ARHGAP9: variants seen among roughly 807,000 people sequenced by gnomAD.
ARHGAP9 encodes the protein Rho GTPase activating protein 9, also known as rho GTPase-activating protein 9.
Under a neutral mutation model 87.3 loss-of-function variants are expected in ARHGAP9, and 76 were observed. The ratio of observed to expected loss-of-function variants is 0.87; its 90% CI spans 0.72 to 1.05. The LOEUF is 1.05. Among genes scored for constraint, ARHGAP9 ranks in the 50% least tolerant of loss-of-function variants. The pLI, the probability that ARHGAP9 is intolerant of heterozygous loss-of-function variation, is 0.00. For missense variants in ARHGAP9, 941 were observed against 960.5 expected, an observed-to-expected ratio of 0.98 and a Z score of 0.27; for synonymous variants, 382 against 394.9, an observed-to-expected ratio of 0.97 and a Z score of 0.39.
chr12:57,480,553 G>T (rs781123992), upstream of ARHGAP9, among the ~76,000 whole-genome samples: 8 of 152,168 alleles, frequency 5.3e-5, no homozygotes, highest in Non-Finnish European at 8.8e-5. Context: ...CACTGGAGAT[G>T]AGAGAAGGGA....
intron 1 of ARHGAP9, chr12:57,488,465 T>A: frequency 8.6e-7 from 1 of 1,166,458 alleles, no homozygotes; most frequent in Non-Finnish European, 1.2e-6. Context: ...AGTAAACTGC[T>A]CTTCCCTTCC....
At chr12:57,484,370 C>T (rs1040367775), upstream of ARHGAP9, among the ~76,000 whole-genome samples, 3 of 147,118 alleles carry the variant, frequency 2.0e-5, no homozygotes, top group Non-Finnish European at 4.5e-5. Flanking sequence ...AAAAAAGCAT[C>T]TTTTCACCCA....
Position 57,474,993 on chromosome 12 carries a change from C to A in ARHGAP9, c.1553-20G>T. On this transcript the variant is annotated intron_variant, in intron 12 of 17. Coordinates refer to ENST00000393791, the MANE Select transcript of ARHGAP9 (RefSeq NM_032496.4). ...CCTGGTCTGGGGAAGTAGAGTGAGG[C>A]GGGAAGCCAGTGCCAGCGTCACTCA... 1 of 1,609,996 alleles carries A rather than the reference C, an allele frequency of 6.2e-7. No homozygotes were observed. Among genetic ancestry groups the A allele is most frequent in the Middle Eastern group, 1.7e-4 (1 of 6,050 alleles).
intron 2 of ARHGAP9, 73 bp from the exon 3 acceptor site, chr12:57,478,830 G>C: frequency 7.2e-7 from 1 of 1,395,190 alleles, no homozygotes; most frequent in Non-Finnish European, 9.8e-7. Context: ...CTCATCTTGG[G>C]AACTCACAGG....
rs540638334 is a variant in ARHGAP9 at position 57,478,641 on chromosome 12, T to C, written c.433A>G (p.Thr145Ala). ...LPRKMCRSVS[T>A]DNLSPSLLKP... Reference sequence around the variant, plus strand: ...AGAAGGCTGGGGCTCAGATTGTCAGTGCTGACGCTCCTACACATTTTGCGG... The same window carrying C: ...AGAAGGCTGGGGCTCAGATTGTCAGCGCTGACGCTCCTACACATTTTGCGG... The change falls in exon 3 of 18, where the codon ACT becomes GCT. Residue 145 changes from threonine (T) to alanine (A), a missense_variant. Thr to Ala is a moderately conservative substitution (Grantham distance 58). Transcript: ENST00000393791. 6.2e-7 allele frequency: 1 copy of C among 1,614,114 alleles called. No individual in the cohort carries two copies. The highest frequency in any genetic ancestry group is 8.5e-7 in the Non-Finnish European group (1 of 1,180,032).
upstream of ARHGAP9, chr12:57,480,820 A>T: frequency 3.2e-6 from 5 of 1,550,522 alleles, no homozygotes; most frequent in South Asian, 5.9e-5. Context: ...TCTCCACTGC[A>T]CAATGTGAGG....
At chr12:57,486,417 G>A (rs772600552) in intron 1 of ARHGAP9, among the ~76,000 whole-genome samples, 4 of 151,648 alleles carry the variant, frequency 2.6e-5, no homozygotes, top group Non-Finnish European at 5.9e-5. Flanking sequence ...TGACAGGCGT[G>A]CACCACCACA....
At chr12:57,480,157 A>C (rs961384608), upstream of ARHGAP9, 25 of 970,864 alleles carry the variant, frequency 2.6e-5, no homozygotes, top group Admixed American at 9.4e-4. Flanking sequence ...TTGAGGCAGG[A>C]GCTACTTTAG....
chr12:57,473,470 G>T, intron 17 of ARHGAP9, 133 bp downstream of exon 17: 1 of 710,370 alleles, frequency 1.4e-6, no homozygotes. Flanking sequence ...CTCCTGCACA[G>T]AGGTTGCCTG....
intron 17 of ARHGAP9, 46 bp downstream of exon 17, chr12:57,473,557 A>G (rs1872559876): frequency 6.4e-7 from 1 of 1,554,888 alleles, no homozygotes; most frequent in East Asian, 2.2e-5. Context: ...GGCATTCCCC[A>G]CTCCACCTTT....
In ARHGAP9 at chr12:57,479,249, A is replaced by G. The variant is rs747914580; in HGVS notation, c.158T>C (p.Leu53Pro). The G allele has an allele frequency of 6.2e-7, 1 of 1,614,246 alleles. No individual in the cohort carries two copies. Among genetic ancestry groups the G allele is most frequent in the Non-Finnish European group, 8.5e-7 (1 of 1,180,040 alleles). Residue 53 changes from leucine (L) to proline (P), a missense_variant, in exon 2 of 18, where the codon CTG becomes CCG. Leu to Pro is a moderately conservative substitution (Grantham distance 98, BLOSUM62 -3). Transcript: ENST00000393791. Reference sequence around the variant, plus strand: ...CCAGTCGGAGTTGGTCTTTCGAAGCAGTAGGAACCTATCCCCTTCAGCCAG... The same window carrying G: ...CCAGTCGGAGTTGGTCTTTCGAAGCGGTAGGAACCTATCCCCTTCAGCCAG... ...VSLAEGDRFL[L>P]LRKTNSDWWL... is the part of the protein sequence containing the mutation.
At chr12:57,476,567 C>G (rs769478931) in intron 7 of ARHGAP9, 23 bp downstream of exon 7, 3 of 1,614,080 alleles carry the variant, frequency 1.9e-6, no homozygotes, top group Non-Finnish European at 1.7e-6. Flanking sequence ...AGCCCAGGCC[C>G]TAGCTGTATT....
chr12:57,476,017 TGG>T (rs1338736452), intron 9 of ARHGAP9, 52 bp downstream of exon 9: 1 of 1,507,774 alleles, frequency 6.6e-7, no homozygotes, highest in East Asian at 2.5e-5. Context: ...CGCGGGAGAT[TGG>T]GGGCGCCCTC....
chr12:57,484,971 A>C (rs1445330372), intron 1 of ARHGAP9, among the ~76,000 whole-genome samples: 1 of 143,446 alleles, frequency 7.0e-6, no homozygotes, highest in Admixed American at 7.2e-5. Context: ...TTTGAGACAG[A>C]GTCTGGCTCT....
chr12:57,488,264 G>A, intron 1 of ARHGAP9: 2 of 1,488,834 alleles, frequency 1.3e-6, no homozygotes, highest in Admixed American at 3.4e-5. Flanking sequence ...CAGATTCTCT[G>A]CAGCTGTCTT....
Position 57,475,311 on chromosome 12 carries a change from T to C in ARHGAP9, c.1532A>G (p.Gln511Arg), listed in dbSNP as rs762692101. The C allele has an allele frequency of 1.0e-5, 16 of 1,599,640 alleles. No individual in the cohort carries two copies. In the East Asian group the frequency reaches 3.1e-4, roughly 31 times the overall value. The stretch of plus-strand genomic sequence containing the variant: ...CTCACCTCGGAGCAGACCCCGCTCC[T>C]GCAGGCTTTGTAAGGGCGGTCTCTT... ...IAKRPPLQSL[Q>R]ERGLLRDQVF... Residue 511 changes from glutamine (Q) to arginine (R), a missense_variant, in exon 12 of 18, where the codon CAG becomes CGG. By Grantham distance (43) the Gln-to-Arg change is conservative. Transcript: ENST00000393791.
At chr12:57,482,807 A>G (rs1012491453), upstream of ARHGAP9, among the ~76,000 whole-genome samples, 51 of 152,084 alleles carry the variant, frequency 3.4e-4, no homozygotes, top group African/African-American at 1.0e-3. Context: ...AAGATGGTAA[A>G]TATGGGGCCG....
rs747481268 is a variant in ARHGAP9 at position 57,478,732 on chromosome 12, C to T, written c.342G>A (p.Leu114=). The change falls in exon 3 of 18, where the codon CTG becomes CTA. Residue 114 remains leucine, a synonymous_variant. Transcript: ENST00000393791. ...TPGPKLFHGS[L]EELSQALPSR... ...TTGGGAGGGCCTGAGACAACTCCTC[C>T]AGGGAACCATGAAACAACTTCGGCC... 2 of 1,610,586 alleles carry T rather than the reference C, an allele frequency of 1.2e-6. No individual in the cohort carries two copies. The highest frequency in any genetic ancestry group is 8.5e-7 in the Non-Finnish European group (1 of 1,177,504).
In ARHGAP9 at chr12:57,479,122, G is replaced by A. The variant is rs559428171; in HGVS notation, c.285C>T (p.Thr95=). 4 of 1,614,216 alleles carry A rather than the reference G, an allele frequency of 2.5e-6. No homozygotes were observed. Among genetic ancestry groups the A allele is most frequent in the East Asian group, 2.2e-5 (1 of 44,874 alleles). Residue 95 remains threonine, a synonymous_variant, in exon 2 of 18, where the codon ACC becomes ACT. Transcript: ENST00000393791. ...EESIPSQSPT[T]VIPGQLLWTP... ...TCCAGAGCAATTGGCCGGGGATGACGGTAGTTGGACTCTGGGAAGGGATGG... is the reference window on the plus strand; with the variant it reads ...TCCAGAGCAATTGGCCGGGGATGACAGTAGTTGGACTCTGGGAAGGGATGG...
Sources: allele counts gnomAD v4.1 joint callset (sites outside exome capture counted in the v4.1 genomes callset), GRCh38; gene constraint gnomAD v4.1.1; transcripts MANE v1.5; gene names NCBI Gene and HGNC (gene_info 2026-07-23, HGNC 2026-07-21).